UGT1A8: variants seen among roughly 807,000 people sequenced by gnomAD.
The protein encoded by UGT1A8 is UDP glucuronosyltransferase family 1 member A8, also known as UDP-glucuronosyltransferase 1A8.
UGT1A8 carries 39 observed loss-of-function variants against 45.3 expected under a neutral mutation model. The ratio of observed to expected loss-of-function variants is 0.86; its 90% CI spans 0.67 to 1.12. UGT1A8 has a LOEUF of 1.12. Among genes scored for constraint, UGT1A8 ranks in the 50% most tolerant of loss-of-function variants. The pLI, the probability that UGT1A8 is intolerant of heterozygous loss-of-function variation, is 0.00. For missense variants in UGT1A8, 719 were observed against 664.9 expected, an observed-to-expected ratio of 1.08 and a Z score of -0.90; for synonymous variants, 275 against 249.2, an observed-to-expected ratio of 1.10 and a Z score of -0.97.
At chr2:233,682,600 C>A in intron 1 of UGT1A8, 2 of 1,613,880 alleles carry the variant, frequency 1.2e-6, no homozygotes, top group Non-Finnish European at 1.7e-6. Context: ...TATTTTGCCC[C>A]TATTTTTTCA....
At chr2:233,637,091 TC>T (rs757223437) in intron 1 of UGT1A8, 1 of 1,613,980 alleles carries the variant, frequency 6.2e-7, no homozygotes, top group Non-Finnish European at 8.5e-7. Context: ...CTTTCCTATG[TC>T]CCCAATGATC....
rs183557056 is a variant in UGT1A8 at position 233,739,734 on chromosome 2, G to A, written c.856-27300G>A. Reference sequence around the variant, plus strand: ...GGAAGGGACTTGACTTGTCTCAGATGAGACCTTGGACTATGGACTTTTGAG... The same window carrying A: ...GGAAGGGACTTGACTTGTCTCAGATAAGACCTTGGACTATGGACTTTTGAG... On this transcript the variant is annotated intron_variant, in intron 1 of 4. Transcript: ENST00000373450. Among the ~76,000 whole-genome samples the A allele has an allele frequency of 9.2e-3, 1,401 of 152,178 alleles. 30 individuals carry two copies. The highest frequency in any genetic ancestry group is 0.032 in the African/African-American group (1,315 of 41,414).
intron 1 of UGT1A8, among the ~76,000 whole-genome samples, chr2:233,754,115 A>G (rs1254927549): frequency 6.6e-6 from 1 of 152,216 alleles, no homozygotes; most frequent in Non-Finnish European, 1.5e-5. Context: ...CTACATCACG[A>G]GCATTTATGT....
chr2:233,711,943 C>T (rs192245283), intron 1 of UGT1A8, among the ~76,000 whole-genome samples: 111 of 152,264 alleles, frequency 7.3e-4, no homozygotes, highest in Admixed American at 1.6e-3. Context: ...GAAAGGCACA[C>T]GTTTAATTCT....
chr2:233,750,940 C>A (rs1694595221), intron 1 of UGT1A8, among the ~76,000 whole-genome samples: 1 of 151,854 alleles, frequency 6.6e-6, no homozygotes, highest in Non-Finnish European at 1.5e-5. Flanking sequence ...TTGGAGCCCC[C>A]ACACAGAGTC....
intron 1 of UGT1A8, chr2:233,713,276 TCA>T: frequency 6.2e-7 from 1 of 1,614,224 alleles, no homozygotes; most frequent in Non-Finnish European, 8.5e-7. Context: ...TTTTGCTGGG[TCA>T]CACTCAATCG....
At chr2:233,734,087 C>A (rs2078476920) in intron 1 of UGT1A8, among the ~76,000 whole-genome samples, 1 of 151,836 alleles carries the variant, frequency 6.6e-6, no homozygotes, top group East Asian at 1.9e-4. Context: ...GCACATGCAC[C>A]CTAAAACTTA....
rs749150526 is a variant in UGT1A8 at position 233,618,271 on chromosome 2, C to G, written c.564C>G (p.Ser188=). The change falls in exon 1 of 5, where the codon TCC becomes TCG. Residue 188 remains serine (S), a synonymous_variant. Transcript: ENST00000373450. ...EEGAQCPAPL[S]YVPRILLGFS... ...GTGCACAGTGCCCTGCTCCTCTTTC[C>G]TATGTCCCCAGAATTCTCTTAGGGT... 1 of 1,613,912 alleles carries G rather than the reference C, an allele frequency of 6.2e-7. No homozygotes were observed. The highest frequency in any genetic ancestry group is 1.1e-5 in the South Asian group (1 of 91,064).
intron 1 of UGT1A8, chr2:233,713,436 G>A (rs773281887): frequency 2.0e-5 from 32 of 1,614,146 alleles, no homozygotes; most frequent in Non-Finnish European, 2.5e-5. Context: ...CTTTGATGTG[G>A]TTCTAACAGA....
Position 233,769,730 on chromosome 2 carries a change from C to A in UGT1A8, c.1295+1291C>A. On this transcript the variant is annotated intron_variant, in intron 4 of 4. Transcript: ENST00000373450. The surrounding 1 kb of genome is among the most constrained non-coding windows in gnomAD (Gnocchi z 4.4). The stretch of plus-strand genomic sequence containing the variant: ...GTTGGCTAGGCACCATGGCACACGC[C>A]TGTAGTCCCAGCCACTCTGGAGGCT... The A allele has an allele frequency of 6.8e-7, 1 of 1,468,358 alleles. No homozygotes were observed. The highest frequency in any genetic ancestry group is 9.0e-7 in the Non-Finnish European group (1 of 1,108,860). 91.0% of individuals were successfully genotyped at this position (1,468,358 alleles called of 1,614,324 possible).
intron 1 of UGT1A8, among the ~76,000 whole-genome samples, chr2:233,698,915 G>A (rs1262646968): frequency 6.6e-6 from 1 of 152,234 alleles, no homozygotes; most frequent in African/African-American, 2.4e-5. Context: ...AAGGAGGGAC[G>A]TGGCCGTCTC....
rs750011038 is a variant in UGT1A8 at position 233,618,503 on chromosome 2, A to T, written c.796A>T (p.Met266Leu). The T allele has an allele frequency of 6.2e-7, 1 of 1,613,926 alleles. No homozygotes were observed. Among genetic ancestry groups the T allele is most frequent in the Non-Finnish European group, 8.5e-7 (1 of 1,179,810 alleles). The change falls in exon 1 of 5, where the codon ATG becomes TTG. Residue 266 changes from methionine (M) to leucine (L), a missense_variant. By Grantham distance (15) the Met-to-Leu change is conservative. Transcript: ENST00000373450. ...TGTTTTGGACTATCCCAAACCCGTG[A>T]TGCCCAATATGATCTTCATTGGTGG... is the stretch of plus-strand genomic sequence containing the variant. ...DFVLDYPKPV[M>L]PNMIFIGGIN...
chr2:233,755,324 A>G lies in UGT1A8; in HGVS notation c.856-11710A>G, dbSNP rs539104570. On this transcript the variant is annotated intron_variant, in intron 1 of 4. Transcript: ENST00000373450. Reference sequence around the variant, plus strand: ...TGGCACAGCGAGCGGCAAGGCTGCCAGCACCCGCGCACAGGTCAGAGGCTT... The same window carrying G: ...TGGCACAGCGAGCGGCAAGGCTGCCGGCACCCGCGCACAGGTCAGAGGCTT... 5.9e-4 allele frequency: 289 copies of G among 488,866 alleles called. 2 individuals are homozygous for G. The highest frequency in any genetic ancestry group is 5.4e-3 in the African/African-American group (267 of 49,540). The allele number at this position is 488,866 out of a possible 1,614,324, so 30.3% of individuals were successfully genotyped here.
intron 1 of UGT1A8, chr2:233,719,286 C>G (rs1465114425): frequency 6.2e-7 from 1 of 1,613,964 alleles, no homozygotes; most frequent in African/African-American, 1.3e-5. Flanking sequence ...CCCCGTTAAC[C>G]TCTGTGGGGC....
intron 1 of UGT1A8, among the ~76,000 whole-genome samples, chr2:233,670,328 G>A (rs1559332993): frequency 6.6e-6 from 1 of 152,120 alleles, no homozygotes; most frequent in Non-Finnish European, 1.5e-5. Flanking sequence ...GGAGAGACAG[G>A]TACACTTGGT....
At chr2:233,676,433 T>C (rs150528789) in intron 1 of UGT1A8, among the ~76,000 whole-genome samples, 2 of 152,316 alleles carry the variant, frequency 1.3e-5, no homozygotes, top group African/African-American at 4.8e-5. Flanking sequence ...TTGTTAAATC[T>C]CATGTTTCTA....
intron 1 of UGT1A8, among the ~76,000 whole-genome samples, chr2:233,690,102 T>C (rs139237594): frequency 2.0e-5 from 3 of 152,350 alleles, no homozygotes; most frequent in African/African-American, 7.2e-5. Context: ...CTCCTGCATC[T>C]TATGTCACAT....
intron 1 of UGT1A8, chr2:233,648,871 A>G (rs531023668): frequency 4.8e-6 from 6 of 1,258,534 alleles, no homozygotes; most frequent in East Asian, 2.8e-5. Context: ...AGCCTCTGAA[A>G]TTCTCCAAAC....
intron 1 of UGT1A8, among the ~76,000 whole-genome samples, chr2:233,656,250 T>C (rs1028223260): frequency 9.9e-5 from 15 of 152,220 alleles, no homozygotes; most frequent in Admixed American, 6.5e-5. Flanking sequence ...TTAGGCCCTA[T>C]ACATCAAAAG....
Sources: gnomAD v4.1 joint callset for allele counts (sites outside exome capture counted in the v4.1 genomes callset) on GRCh38, gnomAD v4.1.1 for gene constraint, Gnocchi (gnomAD v3.1) non-coding constraint, MANE v1.5 for transcripts, NCBI Gene and HGNC (gene_info 2026-07-23, HGNC 2026-07-21) for gene names.